Variants in ATXN7 observed in about 807,000 individuals in gnomAD.
ATXN7 encodes the protein ataxin-7.
ATXN7 carries 12 observed loss-of-function variants against 70.5 expected under a neutral mutation model. The ratio of observed to expected loss-of-function variants is 0.17; its 90% CI spans 0.11 to 0.28. The LOEUF (loss-of-function observed/expected upper bound fraction) is 0.28. ATXN7 is among the 10% of genes least tolerant of loss of function. ATXN7 has a pLI of 1.00. For missense variants in ATXN7, 1,256 were observed against 1,131.7 expected (o/e 1.11, Z -1.58); for synonymous variants, 498 against 448.7 (o/e 1.11, Z -1.39).
At chr3:63,931,105 T>A (rs1163368286) in intron 4 of ATXN7, among the ~76,000 whole-genome samples, 2 of 151,958 alleles carry the variant, frequency 1.3e-5, no homozygotes, top group African/African-American at 4.8e-5. Flanking sequence ...GAAGTTTTGT[T>A]TGTTTGTTTG....
chr3:63,964,990 T>C (rs1283124368), intron 5 of ATXN7, among the ~76,000 whole-genome samples: 1 of 152,138 alleles, frequency 6.6e-6, no homozygotes, highest in East Asian at 1.9e-4. Flanking sequence ...CTTTCACCAA[T>C]GATAGGAACA....
intron 11 of ATXN7, among the ~76,000 whole-genome samples, chr3:63,991,196 G>A (rs17069610): frequency 6.6e-6 from 1 of 152,070 alleles, no homozygotes; most frequent in Non-Finnish European, 1.5e-5. Context: ...ATAACAATCA[G>A]CAAGACTTAG....
intron 1 of ATXN7, among the ~76,000 whole-genome samples, chr3:63,883,760 T>G (rs1288028189): frequency 2.0e-5 from 3 of 152,120 alleles, no homozygotes; most frequent in Non-Finnish European, 4.4e-5. Context: ...TCATTTAGTA[T>G]TAAGGGGAGA....
At chr3:63,876,492 G>A (rs766672811) in intron 1 of ATXN7, among the ~76,000 whole-genome samples, 4 of 152,118 alleles carry the variant, frequency 2.6e-5, no homozygotes, top group Non-Finnish European at 4.4e-5. Context: ...CCTGAAGCTA[G>A]TAAAGATGTT....
Position 63,965,199 on chromosome 3 carries a change from A to G in ATXN7, c.499+12716A>G, listed in dbSNP as rs143440968. On this transcript the variant is annotated intron_variant, in intron 5 of 12. Coordinates refer to ENST00000674280, the MANE Select transcript of ATXN7 (RefSeq NM_001377405.1). ...ATCCAGTTTCTCCTTGGTTGTAATCATAATAGCTAACATTTGCTGAACGTT... is the reference window on the plus strand; with the variant it reads ...ATCCAGTTTCTCCTTGGTTGTAATCGTAATAGCTAACATTTGCTGAACGTT... Among the ~76,000 whole-genome samples, 179 of 152,276 alleles carry G rather than the reference A, an allele frequency of 1.2e-3. 2 individuals carry two copies. The East Asian group carries it at 0.023, about 19-fold the overall frequency.
At chr3:63,975,233 T>C (rs1364861782) in intron 5 of ATXN7, among the ~76,000 whole-genome samples, 2 of 152,246 alleles carry the variant, frequency 1.3e-5, no homozygotes, top group South Asian at 2.1e-4. Context: ...ACTTGCATGA[T>C]ACCCGTTGAG....
chr3:63,872,603 A>G (rs1027191501), intron 1 of ATXN7, among the ~76,000 whole-genome samples: 33 of 152,228 alleles, frequency 2.2e-4, no homozygotes, highest in Non-Finnish European at 2.9e-5. Flanking sequence ...AGCAAGTCAC[A>G]AGGCCAACTC....
chr3:63,885,383 C>T (rs900886182), intron 1 of ATXN7, among the ~76,000 whole-genome samples: 3 of 152,144 alleles, frequency 2.0e-5, no homozygotes, highest in East Asian at 3.9e-4. Context: ...AAGTTAAAAC[C>T]ACAGTGAGAT....
chr3:63,980,789 A>C (rs547787916), intron 6 of ATXN7: 1 of 152,804 alleles, frequency 6.5e-6, no homozygotes, highest in Non-Finnish European at 1.5e-5. Context: ...AGATTCCCAG[A>C]TGCTGCTGTA....
chr3:63,881,318 T>C (rs1467746920), intron 1 of ATXN7, among the ~76,000 whole-genome samples: 1 of 152,116 alleles, frequency 6.6e-6, no homozygotes, highest in African/African-American at 2.4e-5. Flanking sequence ...TCCTAAACCA[T>C]TTTAGGGAAT....
At chr3:63,915,628 A>G (rs1191081493) in intron 4 of ATXN7, among the ~76,000 whole-genome samples, 2 of 152,164 alleles carry the variant, frequency 1.3e-5, no homozygotes, top group African/African-American at 4.8e-5. Flanking sequence ...TTGAAGAAAT[A>G]TGTAGATAAA....
intron 6 of ATXN7, chr3:63,980,772 G>A (rs746122231): frequency 6.5e-6 from 1 of 152,848 alleles, no homozygotes; most frequent in Non-Finnish European, 1.5e-5. Context: ...ATGATAAAAA[G>A]ATGCAGAGAT....
chr3:63,993,041 T>C (rs914617454), intron 11 of ATXN7, among the ~76,000 whole-genome samples: 2 of 152,144 alleles, frequency 1.3e-5, no homozygotes, highest in African/African-American at 2.4e-5. Context: ...TGTGGTAAAA[T>C]TGAAGGTAAG....
chr3:63,979,784 T>C (rs1324803505), intron 5 of ATXN7, 131 bp from the exon 6 acceptor site: 1 of 1,268,438 alleles, frequency 7.9e-7, no homozygotes, highest in Non-Finnish European at 1.1e-6. Context: ...TGAAGTCTGC[T>C]GAGTTTAACA....
In ATXN7 at chr3:63,996,008, A is replaced by G. The variant is rs1284096124; in HGVS notation, c.2186A>G (p.His729Arg). The change falls in exon 12 of 13, where the codon CAT becomes CGT. Residue 729 changes from histidine to arginine, a missense_variant. His to Arg is a conservative substitution (Grantham distance 29). Transcript: ENST00000674280. ...SSSSSSSSSS[H>R]SMESFRKNCV... ...TCTTCCTCCTCCTCCTCTTCTTCTC[A>G]TTCCATGGAGTCTTTTAGGAAAAAC... is the stretch of plus-strand genomic sequence containing the variant. 1.2e-6 allele frequency: 2 copies of G among 1,613,948 alleles called. No homozygotes were observed. The highest frequency in any genetic ancestry group is 3.3e-5 in the Admixed American group (2 of 60,020).
At chr3:63,897,437 CA>C (rs1408891963) in intron 1 of ATXN7, among the ~76,000 whole-genome samples, 22 of 152,130 alleles carry the variant, frequency 1.4e-4, no homozygotes, top group African/African-American at 5.3e-4. Context: ...AGTAAATGTT[CA>C]AAACATGGCA....
rs1447275448 is a variant in ATXN7 at position 63,887,079 on chromosome 3, G to C, written c.-110-11320G>C. On this transcript the variant is annotated intron_variant, in intron 1 of 12. Transcript: ENST00000674280. Reference sequence around the variant, plus strand: ...ATGTAGGTCAAATTGCATCACCATAGAAAGGAGCGAACAGGAAGGTATTTA... The same window carrying C: ...ATGTAGGTCAAATTGCATCACCATACAAAGGAGCGAACAGGAAGGTATTTA... Among the ~76,000 whole-genome samples the C allele has an allele frequency of 2.6e-5, 4 of 152,198 alleles. No homozygotes were observed. In the East Asian group the frequency reaches 7.7e-4, roughly 29 times the overall value.
chr3:63,916,264 T>G (rs1439602130), intron 4 of ATXN7, among the ~76,000 whole-genome samples: 1 of 152,214 alleles, frequency 6.6e-6, no homozygotes, highest in East Asian at 1.9e-4. Context: ...ATAACCTGAC[T>G]TCTTAATTCT....
intron 4 of ATXN7, among the ~76,000 whole-genome samples, chr3:63,928,567 A>G (rs778824405): frequency 6.6e-6 from 1 of 152,220 alleles, no homozygotes; most frequent in Non-Finnish European, 1.5e-5. Context: ...AGAGCTTTAC[A>G]TGGACTGCCT....
Sources: allele counts gnomAD v4.1 joint callset (sites outside exome capture counted in the v4.1 genomes callset), GRCh38; gene constraint gnomAD v4.1.1; transcripts MANE v1.5; gene names NCBI Gene and HGNC (gene_info 2026-07-23, HGNC 2026-07-21).